The following NOL4 variants were observed in gnomAD, a reference collection of about 807,000 sequenced individuals.
The protein encoded by NOL4 is nucleolar protein 4.
Under a neutral mutation model 75.9 loss-of-function variants are expected in NOL4, and 17 were observed. The ratio of observed to expected loss-of-function variants is 0.22; its 90% CI spans 0.15 to 0.34. NOL4 has a LOEUF of 0.34. Ranked by LOEUF, NOL4 falls within the 10% of genes least tolerant of loss-of-function variation. The probability of loss-of-function intolerance (pLI) is 1.00; values close to 1 mark genes in which losing one functional copy is unlikely to be tolerated. For synonymous variants in NOL4, 292 were observed against 289.9 expected, an observed-to-expected ratio of 1.01 and a Z score of -0.07; for missense variants, 614 against 793.5, an observed-to-expected ratio of 0.77 and a Z score of 2.72.
Position 34,223,321 on chromosome 18 carries a change from G to T in NOL4, c.-68C>A, listed in dbSNP as rs1302770368. The T allele has an allele frequency of 4.5e-6, 7 of 1,559,590 alleles. No homozygotes were observed. Among genetic ancestry groups the T allele is most frequent in the South Asian group, 1.2e-5 (1 of 84,168 alleles). On this transcript the variant is annotated 5_prime_UTR_variant, in exon 1 of 11. Transcript: ENST00000261592. ...TCGCACCTGTTCACCCTAGGCTCAT[G>T]AAAAATGCAGCCCCGGCCACGTTGC...
At chr18:34,031,275 G>A (rs1392897714) in intron 5 of NOL4, among the ~76,000 whole-genome samples, 3 of 152,136 alleles carry the variant, frequency 2.0e-5, no homozygotes, top group Non-Finnish European at 2.9e-5. Flanking sequence ...AACTCTCAGC[G>A]ATGAAGACTC....
intron 10 of NOL4, among the ~76,000 whole-genome samples, chr18:33,873,069 G>A (rs988185547): frequency 2.0e-5 from 3 of 151,828 alleles, no homozygotes; most frequent in Admixed American, 6.6e-5. Context: ...TTCCAGTTAC[G>A]TTTACTTCAA....
At chr18:33,925,692 C>T (rs2067282366) in intron 9 of NOL4, among the ~76,000 whole-genome samples, 2 of 152,218 alleles carry the variant, frequency 1.3e-5, no homozygotes, top group South Asian at 4.1e-4. Context: ...GAACATTACC[C>T]TGAAATCCAA....
intron 9 of NOL4, among the ~76,000 whole-genome samples, chr18:33,935,943 G>C (rs1457557848): frequency 1.3e-5 from 2 of 152,082 alleles, no homozygotes; most frequent in African/African-American, 4.8e-5. Flanking sequence ...AGTGTGGACT[G>C]GCAGGCCATA....
intron 5 of NOL4, among the ~76,000 whole-genome samples, chr18:34,048,125 CTT>C (rs1270576574): frequency 4.6e-5 from 7 of 152,044 alleles, no homozygotes; most frequent in Non-Finnish European, 8.8e-5. Flanking sequence ...TTTTCTCTCT[CTT>C]GATGGAATTT....
intron 5 of NOL4, among the ~76,000 whole-genome samples, chr18:34,058,354 TC>T (rs1182717148): frequency 2.0e-5 from 3 of 152,208 alleles, no homozygotes; most frequent in African/African-American, 7.2e-5. Context: ...TAGGATGGTC[TC>T]GATCTCCTGA....
chr18:33,864,376 A>T (rs990615668), intron 10 of NOL4, among the ~76,000 whole-genome samples: 1 of 152,114 alleles, frequency 6.6e-6, no homozygotes. Context: ...CTAATTTCAG[A>T]TCATCCCTCT....
At chr18:34,214,597 T>C (rs1186053416) in intron 1 of NOL4, among the ~76,000 whole-genome samples, 1 of 152,168 alleles carries the variant, frequency 6.6e-6, no homozygotes, top group Non-Finnish European at 1.5e-5. Flanking sequence ...TTCAAATTAT[T>C]ATTATTAGTA....
Position 33,937,955 on chromosome 18 carries a change from A to G in NOL4, c.1542+5110T>C, listed in dbSNP as rs145913118. On this transcript the variant is annotated intron_variant, in intron 9 of 10. Coordinates refer to ENST00000261592, the MANE Select transcript of NOL4 (RefSeq NM_003787.5). ...TACAAAATTTTTGTAAATAAAGTAA[A>G]TCATTTTCCACAAGAAAACTGCACT... Among the ~76,000 whole-genome samples, 284 of 152,206 alleles carry G rather than the reference A, an allele frequency of 1.9e-3. 2 individuals carry two copies. Among genetic ancestry groups the G allele is most frequent in the African/African-American group, 6.7e-3 (280 of 41,550 alleles).
At chr18:34,109,575 G>T (rs2079483843) in intron 2 of NOL4, among the ~76,000 whole-genome samples, 1 of 151,648 alleles carries the variant, frequency 6.6e-6, no homozygotes, top group Non-Finnish European at 1.5e-5. Context: ...AAGAAAAAAA[G>T]ATCTCAAATA....
At chr18:34,184,262 A>T (rs1403313562) in intron 1 of NOL4, among the ~76,000 whole-genome samples, 1 of 151,914 alleles carries the variant, frequency 6.6e-6, no homozygotes, top group Non-Finnish European at 1.5e-5. Flanking sequence ...TATTTATATC[A>T]TTGTTATTAC....
chr18:34,208,936 G>A (rs571266780), intron 1 of NOL4, among the ~76,000 whole-genome samples: 24 of 151,926 alleles, frequency 1.6e-4, no homozygotes, highest in Non-Finnish European at 3.1e-4. Context: ...TAGGCCAGGT[G>A]CGATGGCTCA....
chr18:34,103,015 A>G (rs1411795294), intron 4 of NOL4, among the ~76,000 whole-genome samples: 1 of 152,038 alleles, frequency 6.6e-6, no homozygotes, highest in Non-Finnish European at 1.5e-5. Flanking sequence ...TTATAAATAT[A>G]GCTTGGAGGT....
At chr18:33,930,820 T>A (rs1034522381) in intron 9 of NOL4, among the ~76,000 whole-genome samples, 3 of 152,018 alleles carry the variant, frequency 2.0e-5, no homozygotes, top group Non-Finnish European at 4.4e-5. Context: ...TAAATGTATA[T>A]CAGGAGACAA....
intron 1 of NOL4, among the ~76,000 whole-genome samples, chr18:34,134,800 T>C (rs775959484): frequency 5.9e-5 from 9 of 152,092 alleles, no homozygotes; most frequent in Non-Finnish European, 1.0e-4. Context: ...TAGAAATTAA[T>C]GACACAAGGA....
intron 1 of NOL4, among the ~76,000 whole-genome samples, chr18:34,186,234 C>T (rs927994043): frequency 9.9e-5 from 15 of 152,124 alleles, no homozygotes; most frequent in African/African-American, 2.9e-4. Context: ...CATATTGATT[C>T]GAAGATGATG....
At chr18:33,925,940 T>C (rs2067297961) in intron 9 of NOL4, among the ~76,000 whole-genome samples, 1 of 152,150 alleles carries the variant, frequency 6.6e-6, no homozygotes, top group Non-Finnish European at 1.5e-5. Flanking sequence ...TTTTAATGAG[T>C]CTAATATGTC....
At chr18:34,105,307 T>C in intron 2 of NOL4, 147 bp from the exon 3 acceptor site, 1 of 586,062 alleles carries the variant, frequency 1.7e-6, no homozygotes, top group Non-Finnish European at 3.0e-6. Context: ...CCATGCATCA[T>C]TTCAAGAAAT....
chr18:33,960,523 T>C (rs1012766452), intron 6 of NOL4, among the ~76,000 whole-genome samples: 10 of 152,140 alleles, frequency 6.6e-5, no homozygotes, highest in African/African-American at 2.4e-4. Flanking sequence ...CAATCATTTC[T>C]TCCCTCAGCA....
Sources: allele counts gnomAD v4.1 joint callset (sites outside exome capture counted in the v4.1 genomes callset), GRCh38; gene constraint gnomAD v4.1.1; transcripts MANE v1.5; gene names NCBI Gene and HGNC (gene_info 2026-07-23, HGNC 2026-07-21).